Variants in ALK observed in about 807,000 individuals in gnomAD.
ALK encodes ALK receptor tyrosine kinase.
A neutral mutation model predicts 163.1 loss-of-function variants in ALK; 74 were observed. That is an observed-to-expected ratio of 0.45 (90% CI 0.38 to 0.55). The LOEUF is 0.55. Among genes scored for constraint, ALK ranks in the 20% least tolerant of loss-of-function variants. The pLI is 0.00. For synonymous variants in ALK, 960 were observed against 843.2 expected, an observed-to-expected ratio of 1.14 and a Z score of -2.40; for missense variants, 2,063 against 2,105.3, an observed-to-expected ratio of 0.98 and a Z score of 0.39.
intron 3 of ALK, among the ~76,000 whole-genome samples, chr2:29,640,068 C>G (rs1031435654): frequency 6.6e-6 from 1 of 152,152 alleles, no homozygotes; most frequent in Non-Finnish European, 1.5e-5. Flanking sequence ...AGCTCAGCAC[C>G]TAATGCTGCG....
intron 3 of ALK, among the ~76,000 whole-genome samples, chr2:29,579,514 A>G (rs1216297030): frequency 6.6e-6 from 1 of 152,190 alleles, no homozygotes. Flanking sequence ...TTTTATGTGC[A>G]TTGTTATATG....
intron 1 of ALK, among the ~76,000 whole-genome samples, chr2:29,779,635 A>G (rs1226094797): frequency 6.6e-6 from 1 of 152,210 alleles, no homozygotes; most frequent in Non-Finnish European, 1.5e-5. Flanking sequence ...CTCCCCAAGG[A>G]AGCCAGTCTT....
chr2:29,854,518 G>A (rs1666088722), intron 1 of ALK, among the ~76,000 whole-genome samples: 1 of 152,140 alleles, frequency 6.6e-6, no homozygotes, highest in South Asian at 2.1e-4. Flanking sequence ...ACCAGAAGCA[G>A]ATGCTGACAC....
intron 1 of ALK, among the ~76,000 whole-genome samples, chr2:29,854,364 T>C (rs1666085854): frequency 1.3e-5 from 2 of 152,148 alleles, no homozygotes; most frequent in African/African-American, 4.8e-5. Flanking sequence ...TGTCTCACTG[T>C]TAGTTCACAC....
intron 23 of ALK, among the ~76,000 whole-genome samples, chr2:29,216,576 C>A (rs1409547867): frequency 6.9e-6 from 1 of 144,438 alleles, no homozygotes; most frequent in Non-Finnish European, 1.5e-5. Flanking sequence ...GGCAGACAGT[C>A]AGCAAGCGTG....
intron 1 of ALK, among the ~76,000 whole-genome samples, chr2:29,837,587 C>A (rs1433675397): frequency 1.3e-5 from 2 of 152,156 alleles, no homozygotes; most frequent in East Asian, 1.9e-4. Flanking sequence ...TTCATAGAAG[C>A]CCCAGAAAGT....
At chr2:29,768,743 G>GTATATATATA (rs1553359152) in intron 1 of ALK, among the ~76,000 whole-genome samples, 166 of 150,678 alleles carry the variant, frequency 1.1e-3, no homozygotes, top group Middle Eastern at 3.4e-3. Flanking sequence ...GTGTGTGTGT[G>GTATATATATA]TATATATGTA....
chr2:29,753,724 G>T (rs999956025), intron 1 of ALK, among the ~76,000 whole-genome samples: 3 of 152,182 alleles, frequency 2.0e-5, no homozygotes, highest in African/African-American at 7.2e-5. Context: ...ATTTCATCCT[G>T]CAATTTCCCA....
chr2:29,552,358 T>C (rs1266097352), intron 3 of ALK, among the ~76,000 whole-genome samples: 1 of 152,162 alleles, frequency 6.6e-6, no homozygotes, highest in Non-Finnish European at 1.5e-5. Context: ...TTTGGGGGTG[T>C]ATATGCAGGA....
chr2:29,260,849 C>CAA (rs11300686), intron 11 of ALK, among the ~76,000 whole-genome samples: 3 of 149,584 alleles, frequency 2.0e-5, no homozygotes, highest in East Asian at 2.0e-4. Context: ...CAAAACAAAA[C>CAA]AAAAAAAAAA....
chr2:29,535,810 T>C (rs1673236900), intron 3 of ALK, among the ~76,000 whole-genome samples: 1 of 152,186 alleles, frequency 6.6e-6, no homozygotes, highest in Non-Finnish European at 1.5e-5. Flanking sequence ...ATATTATTAA[T>C]CTAAAGAAAT....
Position 29,532,129 on chromosome 2 carries a change from A to G in ALK, c.953-13T>C, listed in dbSNP as rs1283114171. Reference sequence around the variant, plus strand: ...AGGAGAAAGGAGCCTGGAAAGAGACAGGGAAAACGAATCTGCAGATGTGTT... The same window carrying G: ...AGGAGAAAGGAGCCTGGAAAGAGACGGGGAAAACGAATCTGCAGATGTGTT... On this transcript the variant is annotated splice_polypyrimidine_tract_variant and intron_variant, in intron 3 of 28. Transcript: ENST00000389048. The G allele has an allele frequency of 6.2e-7, 1 of 1,613,282 alleles. No individual in the cohort carries two copies. The highest frequency in any genetic ancestry group is 1.7e-5 in the Admixed American group (1 of 59,980).
intron 8 of ALK, among the ~76,000 whole-genome samples, chr2:29,301,838 C>T (rs963067069): frequency 6.6e-6 from 1 of 152,164 alleles, no homozygotes; most frequent in African/African-American, 2.4e-5. Context: ...GGACTGGCCA[C>T]CCAGGGATGG....
At chr2:29,430,362 C>T (rs980346260) in intron 4 of ALK, among the ~76,000 whole-genome samples, 1 of 152,010 alleles carries the variant, frequency 6.6e-6, no homozygotes, top group African/African-American at 2.4e-5. Flanking sequence ...AAAAAGACAA[C>T]CAACTAAAAA....
At chr2:29,505,581 G>A (rs1672296978) in intron 4 of ALK, among the ~76,000 whole-genome samples, 2 of 152,110 alleles carry the variant, frequency 1.3e-5, no homozygotes, top group South Asian at 2.1e-4. Flanking sequence ...CTTGTTGTGG[G>A]TGGAAGAGGT....
intron 3 of ALK, among the ~76,000 whole-genome samples, chr2:29,538,837 C>A (rs1317187275): frequency 6.6e-6 from 1 of 151,980 alleles, no homozygotes; most frequent in African/African-American, 2.4e-5. Flanking sequence ...ATGGATAGGA[C>A]AATAAGAAAA....
intron 12 of ALK, among the ~76,000 whole-genome samples, chr2:29,240,270 C>T (rs1478368778): frequency 6.6e-6 from 1 of 151,954 alleles, no homozygotes; most frequent in Admixed American, 6.6e-5. Context: ...TGTCCCAGAT[C>T]AATGGACTCA....
At chr2:29,450,391 T>G (rs1355578063) in intron 4 of ALK, among the ~76,000 whole-genome samples, 1 of 152,150 alleles carries the variant, frequency 6.6e-6, no homozygotes, top group African/African-American at 2.4e-5. Flanking sequence ...GTACCAGGGC[T>G]AACTAGGACA....
intron 5 of ALK, among the ~76,000 whole-genome samples, chr2:29,354,799 C>G (rs1668205419): frequency 6.7e-6 from 1 of 148,824 alleles, no homozygotes; most frequent in Admixed American, 6.7e-5. Context: ...TGGAGTCTCG[C>G]TCTGTCACCC....
Sources: allele counts gnomAD v4.1 joint callset (sites outside exome capture counted in the v4.1 genomes callset), GRCh38; gene constraint gnomAD v4.1.1; transcripts MANE v1.5; gene names NCBI Gene and HGNC (gene_info 2026-07-23, HGNC 2026-07-21).